Variants in FARP2 observed in about 807,000 individuals in gnomAD.
FARP2 encodes FERM, ARH/RhoGEF and pleckstrin domain protein 2.
In FARP2, 111 loss-of-function variants were observed where a neutral mutation model predicts 130.5. The ratio of observed to expected loss-of-function variants is 0.85; its 90% CI spans 0.73 to 1.00. The LOEUF (loss-of-function observed/expected upper bound fraction) is 1.00. Ranked by LOEUF, FARP2 falls within the 50% of genes least tolerant of loss-of-function variation. The probability of loss-of-function intolerance (pLI) is 0.00; values close to 1 mark genes in which losing one functional copy is unlikely to be tolerated. For synonymous variants in FARP2, 504 were observed against 516.9 expected (o/e 0.98, Z 0.34); for missense variants, 1,385 against 1,346.3 (o/e 1.03, Z -0.45).
intron 1 of FARP2, among the ~76,000 whole-genome samples, chr2:241,359,139 A>G (rs2061128177): frequency 6.6e-6 from 1 of 152,224 alleles, no homozygotes. Context: ...CACAGCAATC[A>G]TAGTGTTGTA....
At chr2:241,416,226 G>T (rs2062667283) in intron 7 of FARP2, among the ~76,000 whole-genome samples, 1 of 152,068 alleles carries the variant, frequency 6.6e-6, no homozygotes, top group East Asian at 1.9e-4. Context: ...CTCTGCATGT[G>T]TGTGTCCTTA....
At chr2:241,454,293 C>CT (rs1304039543) in intron 13 of FARP2, among the ~76,000 whole-genome samples, 1 of 152,104 alleles carries the variant, frequency 6.6e-6, no homozygotes, top group Non-Finnish European at 1.5e-5. Context: ...CTGTACTTCT[C>CT]TGAGTGAGGT....
intron 13 of FARP2, among the ~76,000 whole-genome samples, chr2:241,453,779 T>G (rs1411716818): frequency 1.5e-4 from 17 of 112,976 alleles, no homozygotes; most frequent in African/African-American, 4.1e-4. Flanking sequence ...GTTTTTTTTT[T>G]TTTTTTTTTT....
rs1227487923 is a variant in FARP2 at position 241,461,327 on chromosome 2, C to T, written c.1588-1196C>T. On this transcript the variant is annotated intron_variant, in intron 14 of 26. Coordinates refer to ENST00000264042, the MANE Select transcript of FARP2 (RefSeq NM_014808.4). ...CTCGCCGGGTGGTGCTGAGGTCCAC[C>T]GGCAGCCTCTCTGCCCTCCTGGTCT... Among the ~76,000 whole-genome samples the T allele has an allele frequency of 5.4e-5, 8 of 148,118 alleles. No individual in the cohort carries two copies. In the East Asian group the frequency reaches 7.9e-4, roughly 15 times the overall value.
intron 1 of FARP2, among the ~76,000 whole-genome samples, chr2:241,371,093 C>T (rs2061414497): frequency 6.6e-6 from 1 of 152,126 alleles, no homozygotes; most frequent in South Asian, 2.1e-4. Flanking sequence ...TGGACGTGTG[C>T]AGAAGTTCAA....
intron 2 of FARP2, among the ~76,000 whole-genome samples, chr2:241,401,898 T>C (rs1323369972): frequency 6.6e-6 from 1 of 152,064 alleles, no homozygotes; most frequent in Non-Finnish European, 1.5e-5. Context: ...CAAGCTATTC[T>C]CCCGCCTCAG....
At position 241,441,363 on chromosome 2, in the gene FARP2, T is replaced by C. The variant is rs940813609; in HGVS notation, c.1218T>C (p.Phe406=). 4 of 1,613,896 alleles carry C rather than the reference T, an allele frequency of 2.5e-6. No homozygotes were observed. Among genetic ancestry groups the C allele is most frequent in the South Asian group, 1.1e-5 (1 of 91,082 alleles). Residue 406 remains phenylalanine, a synonymous_variant, in exon 13 of 27, where the codon TTT becomes TTC. Coordinates refer to ENST00000264042, the MANE Select transcript of FARP2 (RefSeq NM_014808.4). ...TPASPSSANA[F]YSLSPSTLVP... ...CCTCCCCATCTTCAGCGAATGCCTT[T>C]TACTCGCTCTCTCCCTCCACTCTGG...
At chr2:241,380,735 A>C (rs1003246655) in intron 2 of FARP2, among the ~76,000 whole-genome samples, 1 of 151,832 alleles carries the variant, frequency 6.6e-6, no homozygotes, top group Non-Finnish European at 1.5e-5. Flanking sequence ...TGCTCAACCC[A>C]TACTATATTT....
chr2:241,386,783 T>G (rs2061794194), intron 2 of FARP2: 1 of 152,218 alleles, frequency 6.6e-6, no homozygotes, highest in South Asian at 2.1e-4. Flanking sequence ...CAAGCTGCTG[T>G]TTTTCTTATC....
intron 13 of FARP2, chr2:241,442,075 C>T (rs2063398625): frequency 2.7e-6 from 1 of 372,032 alleles, no homozygotes; most frequent in South Asian, 2.0e-5. Context: ...CACCTCGGAG[C>T]TATTTGAGGT....
chr2:241,468,525 C>A, intron 18 of FARP2, 148 bp downstream of exon 18: 1 of 644,862 alleles, frequency 1.6e-6, no homozygotes, highest in Non-Finnish European at 2.7e-6. Flanking sequence ...AGCATTGGCC[C>A]TGGCCTTCCT....
rs1414250737 is a variant in FARP2 at position 241,452,643 on chromosome 2, AAAAG to A, written c.1412-4096_1412-4093del. 4.9e-4 allele frequency among the ~76,000 whole-genome samples: 74 copies of A among 152,126 alleles called. 1 individual carries two copies. Among genetic ancestry groups the A allele is most frequent in the African/African-American group, 1.2e-3 (50 of 41,506 alleles). On this transcript the variant is annotated intron_variant, in intron 13 of 26. Transcript: ENST00000264042. The stretch of plus-strand genomic sequence containing the variant: ...CATAAGATCCCATCCATTAAAAAAA[AAAAG>A]AAAGAAAAAGAGTCTGGGCACAGTG...
At chr2:241,434,817 T>A in intron 10 of FARP2, 145 bp from the exon 11 acceptor site, 1 of 597,688 alleles carries the variant, frequency 1.7e-6, no homozygotes, top group Non-Finnish European at 3.0e-6. Flanking sequence ...CCCTGGGCAA[T>A]AGAGCGAGAC....
intron 21 of FARP2, among the ~76,000 whole-genome samples, chr2:241,486,225 C>T (rs1201156640): frequency 2.0e-5 from 3 of 151,448 alleles, no homozygotes; most frequent in Admixed American, 6.6e-5. Context: ...ATGGTAGGAT[C>T]GCTTGAAGCT....
chr2:241,401,617 GT>G (rs2062168079), intron 2 of FARP2, among the ~76,000 whole-genome samples: 1 of 151,938 alleles, frequency 6.6e-6, no homozygotes, highest in Non-Finnish European at 1.5e-5. Flanking sequence ...CCTCCCTCAG[GT>G]TGCTGAGTTC....
At chr2:241,437,373 A>G (rs1298104641) in intron 12 of FARP2, among the ~76,000 whole-genome samples, 2 of 152,198 alleles carry the variant, frequency 1.3e-5, no homozygotes, top group Non-Finnish European at 2.9e-5. Context: ...CGACCTTCTC[A>G]TGTTTCAGGT....
At chr2:241,465,763 G>A in intron 17 of FARP2, 1 of 1,550,634 alleles carries the variant, frequency 6.4e-7, no homozygotes, top group Non-Finnish European at 8.7e-7. Context: ...GACGACTCAA[G>A]CTCCCCCTCC....
rs530341608 is a variant in FARP2 at position 241,469,235 on chromosome 2, C to T, written c.2131+858C>T. On this transcript the variant is annotated intron_variant, in intron 18 of 26. Coordinates refer to ENST00000264042, the MANE Select transcript of FARP2 (RefSeq NM_014808.4). ...CCAAGTAGCCGGTATTACAGGCGCC[C>T]GCCACCACACCCAGCTAATTTTTGT... 9.9e-5 allele frequency among the ~76,000 whole-genome samples: 15 copies of T among 152,024 alleles called. 1 individual carries two copies. The South Asian group carries it at 2.7e-3, about 27-fold the overall frequency.
chr2:241,439,412 C>T (rs1172163179), intron 12 of FARP2, among the ~76,000 whole-genome samples: 1 of 152,044 alleles, frequency 6.6e-6, no homozygotes, highest in African/African-American at 2.4e-5. Flanking sequence ...TCATTGCAAC[C>T]TCCACCTCCC....
Sources: gnomAD v4.1 joint callset for allele counts (sites outside exome capture counted in the v4.1 genomes callset) on GRCh38, gnomAD v4.1.1 for gene constraint, MANE v1.5 for transcripts, NCBI Gene and HGNC (gene_info 2026-07-23, HGNC 2026-07-21) for gene names.